CHCHD6: variants seen among roughly 807,000 people sequenced by gnomAD.
CHCHD6 encodes coiled-coil-helix-coiled-coil-helix domain containing 6.
In CHCHD6, 28 loss-of-function variants were observed where a neutral mutation model predicts 32.3. That is an observed-to-expected ratio of 0.87 (90% confidence interval 0.64 to 1.19). The LOEUF (loss-of-function observed/expected upper bound fraction) is 1.19, where lower values mean the gene tolerates loss of function less well. CHCHD6 is among the 50% of genes most tolerant of loss of function. CHCHD6 has a pLI of 0.00. For synonymous variants in CHCHD6, 122 were observed against 117.5 expected, an observed-to-expected ratio of 1.04 and a Z score of -0.25; for missense variants, 333 against 307.0, an observed-to-expected ratio of 1.08 and a Z score of -0.63.
chr3:126,917,672 T>C (rs2078191363), intron 6 of CHCHD6, among the ~76,000 whole-genome samples: 1 of 152,198 alleles, frequency 6.6e-6, no homozygotes, highest in African/African-American at 2.4e-5. Flanking sequence ...CCAGAACACA[T>C]ATGTTGAAAT....
intron 4 of CHCHD6, among the ~76,000 whole-genome samples, chr3:126,807,774 A>T (rs887918317): frequency 5.9e-5 from 9 of 152,196 alleles, no homozygotes; most frequent in Non-Finnish European, 1.0e-4. Flanking sequence ...GGGATGTGTT[A>T]TTATCTCCTG....
At chr3:126,855,543 A>G (rs140920084) in intron 5 of CHCHD6, among the ~76,000 whole-genome samples, 15 of 152,258 alleles carry the variant, frequency 9.9e-5, no homozygotes, top group East Asian at 1.9e-4. Context: ...GCACACATAT[A>G]TGCATGCTGA....
intron 4 of CHCHD6, among the ~76,000 whole-genome samples, chr3:126,799,499 A>G (rs967972158): frequency 5.9e-5 from 9 of 152,200 alleles, no homozygotes; most frequent in African/African-American, 2.2e-4. Context: ...ATCTTTCTTT[A>G]GAAAACAAAC....
intron 3 of CHCHD6, among the ~76,000 whole-genome samples, chr3:126,731,175 A>T (rs1003288102): frequency 1.3e-5 from 2 of 151,050 alleles, no homozygotes; most frequent in Non-Finnish European, 2.9e-5. Flanking sequence ...GAACTTCTGC[A>T]TGTGTGTGCA....
intron 5 of CHCHD6, 148 bp from the exon 6 acceptor site, chr3:126,914,532 C>T (rs2078141525): frequency 1.6e-6 from 1 of 635,988 alleles, no homozygotes; most frequent in Non-Finnish European, 2.9e-6. Flanking sequence ...CGTGGTGGAG[C>T]TGGAACCCAA....
intron 5 of CHCHD6, chr3:126,865,442 CA>C: frequency 2.5e-6 from 1 of 394,606 alleles, no homozygotes. Flanking sequence ...TACCCTCCAC[CA>C]CCAGCTTCAT....
chr3:126,762,331 T>C (rs979084601), intron 4 of CHCHD6, among the ~76,000 whole-genome samples: 7 of 152,212 alleles, frequency 4.6e-5, no homozygotes, highest in African/African-American at 1.7e-4. Flanking sequence ...AGTTTTGGTA[T>C]GTTGTGTTTT....
intron 6 of CHCHD6, among the ~76,000 whole-genome samples, chr3:126,924,078 A>G (rs370664568): frequency 6.6e-6 from 1 of 152,176 alleles, no homozygotes; most frequent in East Asian, 1.9e-4. Context: ...GTGACAGGCA[A>G]TGCGTAACAC....
chr3:126,844,099 G>A (rs1336150633), intron 4 of CHCHD6, among the ~76,000 whole-genome samples: 2 of 152,148 alleles, frequency 1.3e-5, no homozygotes. Flanking sequence ...AACATACTTT[G>A]TGTGATTTCA....
At chr3:126,846,128 T>G (rs1941287075) in intron 4 of CHCHD6, among the ~76,000 whole-genome samples, 2 of 152,186 alleles carry the variant, frequency 1.3e-5, no homozygotes. Context: ...AGAAAAAGGT[T>G]GGACCTCCTT....
At chr3:126,757,153 C>T (rs1936982350) in intron 4 of CHCHD6, among the ~76,000 whole-genome samples, 1 of 152,168 alleles carries the variant, frequency 6.6e-6, no homozygotes, top group South Asian at 2.1e-4. Flanking sequence ...CAAAACTTTG[C>T]AAGTGCTGAC....
intron 4 of CHCHD6, among the ~76,000 whole-genome samples, chr3:126,848,301 T>C (rs1334270243): frequency 1.3e-5 from 2 of 152,178 alleles, no homozygotes; most frequent in African/African-American, 4.8e-5. Context: ...ATTTTTCCCT[T>C]GTTGTTCTCA....
chr3:126,810,497 T>C (rs1283348484), intron 4 of CHCHD6, among the ~76,000 whole-genome samples: 2 of 152,204 alleles, frequency 1.3e-5, no homozygotes, highest in Admixed American at 6.5e-5. Flanking sequence ...TTATGTGCTA[T>C]TTGATGTTGA....
At chr3:126,746,160 G>A (rs145799058) in intron 4 of CHCHD6, among the ~76,000 whole-genome samples, 1 of 152,276 alleles carries the variant, frequency 6.6e-6, no homozygotes, top group Non-Finnish European at 1.5e-5. Context: ...TGAGGCCGCT[G>A]GGACTAGACA....
intron 4 of CHCHD6, among the ~76,000 whole-genome samples, chr3:126,805,650 C>A (rs890065548): frequency 6.6e-6 from 1 of 152,092 alleles, no homozygotes; most frequent in African/African-American, 2.4e-5. Flanking sequence ...AGATTCAATG[C>A]CCTCCCCATC....
intron 4 of CHCHD6, among the ~76,000 whole-genome samples, chr3:126,746,315 C>T (rs1042658705): frequency 6.6e-6 from 1 of 152,152 alleles, no homozygotes; most frequent in South Asian, 2.1e-4. Flanking sequence ...TCATGACTTT[C>T]CTCTTCTTGA....
chr3:126,935,903 A>G (rs1404264883), intron 6 of CHCHD6, among the ~76,000 whole-genome samples: 1 of 152,230 alleles, frequency 6.6e-6, no homozygotes, highest in African/African-American at 2.4e-5. Context: ...GGGAAGAACA[A>G]TGCTGGGTTT....
intron 6 of CHCHD6, among the ~76,000 whole-genome samples, chr3:126,922,705 G>GTGTGTA (rs1553758091): frequency 3.3e-5 from 5 of 151,520 alleles, no homozygotes; most frequent in African/African-American, 7.3e-5. Flanking sequence ...ATTGACTCCC[G>GTGTGTA]TGTGTATGTG....
intron 5 of CHCHD6, among the ~76,000 whole-genome samples, chr3:126,858,338 A>G (rs867008937): frequency 6.6e-6 from 1 of 151,776 alleles, no homozygotes; most frequent in African/African-American, 2.4e-5. Context: ...GCTTCCTTTC[A>G]TGACCTTGGT....
Sources: allele counts gnomAD v4.1 joint callset (sites outside exome capture counted in the v4.1 genomes callset), GRCh38; gene constraint gnomAD v4.1.1; transcripts MANE v1.5; gene names NCBI Gene and HGNC (gene_info 2026-07-23, HGNC 2026-07-21).